XRN2: variants seen among roughly 807,000 people sequenced by gnomAD.
XRN2 encodes the protein DHM1-like protein.
Under a neutral mutation model 138.5 loss-of-function variants are expected in XRN2, and 44 were observed. That is an observed-to-expected ratio of 0.32 (90% CI 0.25 to 0.41). XRN2 has a LOEUF of 0.41. Ranked by LOEUF, XRN2 falls within the 10% of genes least tolerant of loss-of-function variation. XRN2 has a pLI of 1.00. For missense variants in XRN2, 937 were observed against 1,169.3 expected (o/e 0.80, Z 2.90); for synonymous variants, 354 against 369.4 (o/e 0.96, Z 0.48).
intron 1 of XRN2, among the ~76,000 whole-genome samples, chr20:21,323,055 C>G (rs1208323047): frequency 1.3e-5 from 2 of 152,182 alleles, no homozygotes; most frequent in Non-Finnish European, 2.9e-5. Context: ...CAGGAGTTGA[C>G]CCATCTGGCT....
At chr20:21,365,929 A>G (rs1338221136) in intron 26 of XRN2, among the ~76,000 whole-genome samples, 1 of 124,040 alleles carries the variant, frequency 8.1e-6, no homozygotes, top group Non-Finnish European at 1.6e-5. Context: ...TAATATATAT[A>G]TAAAATTATA....
chr20:21,380,280 C>T (rs1277088358), intron 27 of XRN2, among the ~76,000 whole-genome samples: 4 of 152,180 alleles, frequency 2.6e-5, no homozygotes, highest in Non-Finnish European at 5.9e-5. Flanking sequence ...AACTGATTCT[C>T]ACTAAACTAA....
chr20:21,335,403 AG>A (rs1789058647), intron 13 of XRN2, among the ~76,000 whole-genome samples: 1 of 152,242 alleles, frequency 6.6e-6, no homozygotes, highest in Non-Finnish European at 1.5e-5. Context: ...ATGATCTCCC[AG>A]CACATTAAAA....
chr20:21,356,554 G>A, intron 22 of XRN2, 32 bp from the exon 23 acceptor site: 1 of 1,592,912 alleles, frequency 6.3e-7, no homozygotes, highest in Non-Finnish European at 8.6e-7. Context: ...TCCATTCTTT[G>A]CATATGAGAT....
intron 22 of XRN2, 96 bp downstream of exon 22, chr20:21,356,273 G>A: frequency 1.0e-6 from 1 of 955,910 alleles, no homozygotes; most frequent in Non-Finnish European, 1.5e-6. Context: ...ATTTTTAAGT[G>A]GTTATTCTGT....
intron 13 of XRN2, 115 bp downstream of exon 13, chr20:21,334,300 A>C (rs2038256587): frequency 1.2e-6 from 1 of 813,706 alleles, no homozygotes; most frequent in African/African-American, 1.7e-5. Flanking sequence ...TGGTGTGTCA[A>C]CACTAATGTA....
At chr20:21,305,747 CTTTTT>C (rs367955344) in intron 1 of XRN2, among the ~76,000 whole-genome samples, 1 of 39,142 alleles carries the variant, frequency 2.6e-5, no homozygotes, top group Non-Finnish European at 6.2e-5. Flanking sequence ...ATTCTTAATT[CTTTTT>C]TTTTTTTTTT....
At chr20:21,305,483 G>C (rs112946551) in intron 1 of XRN2, among the ~76,000 whole-genome samples, 18,300 of 65,414 alleles carry the variant, frequency 0.28, 5,993 homozygotes, top group Non-Finnish European at 0.48. Context: ...TCGAACTCCT[G>C]ACCTCAGGTG....
intron 1 of XRN2, among the ~76,000 whole-genome samples, chr20:21,310,264 G>T (rs182948272): frequency 6.6e-6 from 1 of 152,020 alleles, no homozygotes; most frequent in African/African-American, 2.4e-5. Context: ...TTTCCTGTTC[G>T]TGATTTTTAA....
Position 21,386,859 on chromosome 20 carries a change from T to C in XRN2, c.2649-9T>C. Reference sequence around the variant, plus strand: ...TGGCTTCTGATGTAAAACTGGTACTTTCCTACAGAGGCGTTGGGGCTGAAC... The same window carrying C: ...TGGCTTCTGATGTAAAACTGGTACTCTCCTACAGAGGCGTTGGGGCTGAAC... On this transcript the variant is annotated splice_polypyrimidine_tract_variant and intron_variant, in intron 28 of 29. Transcript: ENST00000377191. The C allele has an allele frequency of 6.2e-7, 1 of 1,607,412 alleles. No individual in the cohort carries two copies. The highest frequency in any genetic ancestry group is 8.5e-7 in the Non-Finnish European group (1 of 1,174,562).
chr20:21,321,097 C>T (rs1417236394), intron 1 of XRN2, among the ~76,000 whole-genome samples: 1 of 152,058 alleles, frequency 6.6e-6, no homozygotes, highest in Non-Finnish European at 1.5e-5. Flanking sequence ...CCCACTGCAT[C>T]CTCAACTTCC....
intron 13 of XRN2, among the ~76,000 whole-genome samples, chr20:21,336,960 T>C (rs2038303343): frequency 6.6e-6 from 1 of 152,136 alleles, no homozygotes; most frequent in Non-Finnish European, 1.5e-5. Context: ...GGCAGGAACA[T>C]ACTCAGGATG....
At chr20:21,312,277 TAA>T (rs1367797625) in intron 1 of XRN2, among the ~76,000 whole-genome samples, 3 of 152,010 alleles carry the variant, frequency 2.0e-5, no homozygotes, top group African/African-American at 7.2e-5. Context: ...CATGCCCAGC[TAA>T]GTTTTTGTAT....
chr20:21,374,562 G>C (rs2038797767), intron 27 of XRN2, among the ~76,000 whole-genome samples: 1 of 151,990 alleles, frequency 6.6e-6, no homozygotes, highest in Admixed American at 6.6e-5. Flanking sequence ...TGGGGGTTTT[G>C]TTTGTTGTTT....
At chr20:21,371,062 C>CA (rs1283373288) in intron 27 of XRN2, among the ~76,000 whole-genome samples, 2 of 152,084 alleles carry the variant, frequency 1.3e-5, no homozygotes, top group South Asian at 4.1e-4. Context: ...ATTTGATTTC[C>CA]AAAAAACAGA....
intron 29 of XRN2, among the ~76,000 whole-genome samples, chr20:21,389,014 T>C (rs754442861): frequency 6.6e-6 from 1 of 152,224 alleles, no homozygotes; most frequent in Non-Finnish European, 1.5e-5. Flanking sequence ...CAGAACACTT[T>C]AGTTATTTGT....
chr20:21,365,357 C>G lies in XRN2; in HGVS notation c.2256-64C>G, dbSNP rs373954374. 26 of 1,493,388 alleles carry G rather than the reference C, an allele frequency of 1.7e-5. No individual in the cohort carries two copies. In the African/African-American group the frequency reaches 2.8e-4, roughly 16 times the overall value. The allele number at this position is 1,493,388 out of a possible 1,614,324, so 92.5% of individuals were successfully genotyped here. A position where few individuals can be genotyped will look rare whatever the true frequency, so the allele number is the denominator to read the frequency against. On this transcript the variant is annotated intron_variant, in intron 24 of 29. Coordinates refer to ENST00000377191, the MANE Select transcript of XRN2 (RefSeq NM_012255.5). Reference sequence around the variant, plus strand: ...GAGGACTTAAACATGAAAAATACCTCAGTCTACATGATAAGACAGGCTGAT... The same window carrying G: ...GAGGACTTAAACATGAAAAATACCTGAGTCTACATGATAAGACAGGCTGAT...
chr20:21,348,440 A>C lies in XRN2; in HGVS notation c.1863+10A>C, dbSNP rs1336111001. 3 of 1,609,662 alleles carry C rather than the reference A, an allele frequency of 1.9e-6. No individual in the cohort carries two copies. In the Admixed American group the frequency reaches 5.1e-5, roughly 27 times the overall value. ...GCTCATGAGTGATCCTGTGAGTCTC[A>C]GTATTTTGAGTGTGTGGGTGACAGG... On this transcript the variant is annotated intron_variant, in intron 19 of 29. Transcript: ENST00000377191.
chr20:21,380,453 C>G (rs1428419642), intron 27 of XRN2, among the ~76,000 whole-genome samples: 2 of 152,114 alleles, frequency 1.3e-5, no homozygotes, highest in Non-Finnish European at 2.9e-5. Flanking sequence ...ATTGTAAGAA[C>G]TTCTTACTTT....
Sources: gnomAD v4.1 joint callset for allele counts (sites outside exome capture counted in the v4.1 genomes callset) on GRCh38, gnomAD v4.1.1 for gene constraint, MANE v1.5 for transcripts, NCBI Gene and HGNC (gene_info 2026-07-23, HGNC 2026-07-21) for gene names.